PCDHA13: variants seen among roughly 807,000 people sequenced by gnomAD.
PCDHA13 encodes the protein protocadherin alpha 13.
In PCDHA13, 54 loss-of-function variants were observed where a neutral mutation model predicts 64.8. That is an observed-to-expected ratio of 0.83 (90% CI 0.67 to 1.04). The LOEUF (loss-of-function observed/expected upper bound fraction) is 1.04. Ranked by LOEUF, PCDHA13 falls within the 50% of genes least tolerant of loss-of-function variation. The pLI is 0.00. For missense variants in PCDHA13, 1,248 were observed against 1,254.3 expected (o/e 0.99, Z 0.08); for synonymous variants, 587 against 564.4 (o/e 1.04, Z -0.57).
intron 1 of PCDHA13, chr5:140,928,625 A>T: frequency 6.2e-7 from 1 of 1,614,224 alleles, no homozygotes; most frequent in African/African-American, 1.3e-5. Flanking sequence ...AGGACTGGAC[A>T]CTTGGTCACA....
At chr5:141,006,108 T>C (rs1268824828) in intron 3 of PCDHA13, among the ~76,000 whole-genome samples, 5 of 151,864 alleles carry the variant, frequency 3.3e-5, no homozygotes. Context: ...GTAAGGAGTT[T>C]TTTTTTTTTT....
intron 1 of PCDHA13, among the ~76,000 whole-genome samples, chr5:140,913,854 A>G: frequency 6.6e-6 from 1 of 152,128 alleles, no homozygotes; most frequent in Middle Eastern, 3.2e-3. Context: ...ATTCAGGAGC[A>G]TATTGTTTAA....
intron 3 of PCDHA13, among the ~76,000 whole-genome samples, chr5:140,989,753 A>G (rs1349273749): frequency 6.6e-6 from 1 of 152,224 alleles, no homozygotes; most frequent in Admixed American, 6.5e-5. Context: ...ATCTGGAGAA[A>G]CATATTCAGT....
At chr5:141,000,376 T>C (rs2097906883) in intron 3 of PCDHA13, among the ~76,000 whole-genome samples, 1 of 58,410 alleles carries the variant, frequency 1.7e-5, no homozygotes, top group Non-Finnish European at 3.2e-5. Flanking sequence ...TCTCTCTCTC[T>C]CTCTCTCTCT....
At chr5:140,933,630 C>T (rs2089281438) in intron 1 of PCDHA13, among the ~76,000 whole-genome samples, 1 of 151,952 alleles carries the variant, frequency 6.6e-6, no homozygotes, top group Admixed American at 6.6e-5. Flanking sequence ...TAGGCTGGCC[C>T]TGTTAAACAA....
intron 1 of PCDHA13, among the ~76,000 whole-genome samples, chr5:140,963,229 G>A (rs1211084766): frequency 2.6e-5 from 4 of 152,134 alleles, no homozygotes; most frequent in African/African-American, 7.2e-5. Context: ...AGTAGACACT[G>A]TTTGATGGAT....
intron 1 of PCDHA13, among the ~76,000 whole-genome samples, chr5:140,934,650 T>C (rs2089969846): frequency 6.6e-6 from 1 of 152,134 alleles, no homozygotes; most frequent in East Asian, 1.9e-4. Flanking sequence ...GATAAATGTT[T>C]GATTCTTCCC....
At chr5:140,907,773 G>C (rs2073598085) in intron 1 of PCDHA13, among the ~76,000 whole-genome samples, 1 of 152,200 alleles carries the variant, frequency 6.6e-6, no homozygotes, top group Admixed American at 6.5e-5. Flanking sequence ...GGTGATGACA[G>C]GGGTGGCTGG....
chr5:140,984,271 A>G (rs1403531837), intron 3 of PCDHA13, among the ~76,000 whole-genome samples: 1 of 152,196 alleles, frequency 6.6e-6, no homozygotes, highest in African/African-American at 2.4e-5. Context: ...ACTAACTTTG[A>G]ATACATTCTC....
At chr5:140,991,205 A>C (rs1403144779) in intron 3 of PCDHA13, among the ~76,000 whole-genome samples, 3 of 152,226 alleles carry the variant, frequency 2.0e-5, no homozygotes, top group Admixed American at 2.0e-4. Context: ...TGCTCAATAA[A>C]TTTTGTTAAA....
intron 2 of PCDHA13, chr5:140,982,212 C>A: frequency 2.1e-6 from 1 of 479,448 alleles, no homozygotes; most frequent in Non-Finnish European, 3.3e-6. Flanking sequence ...GTGAGCGCCA[C>A]ATGGCGTTAA....
At chr5:140,966,692 G>A in intron 1 of PCDHA13, 2 of 1,352,080 alleles carry the variant, frequency 1.5e-6, no homozygotes, top group East Asian at 2.9e-5. Context: ...CGGAGGCGGG[G>A]CCCGGGCGTG....
chr5:140,923,033 A>T (rs6895136), intron 1 of PCDHA13, among the ~76,000 whole-genome samples: 8,640 of 152,308 alleles, frequency 0.057, 727 homozygotes, highest in African/African-American at 0.19. Flanking sequence ...CTCTATTACT[A>T]CATGTATAGT....
intron 1 of PCDHA13, among the ~76,000 whole-genome samples, chr5:140,948,785 G>T (rs2094304738): frequency 6.6e-6 from 1 of 151,242 alleles, no homozygotes; most frequent in South Asian, 2.1e-4. Flanking sequence ...TTTTGGCTTT[G>T]TTGATATATT....
intron 1 of PCDHA13, among the ~76,000 whole-genome samples, chr5:140,955,338 C>T (rs1232401709): frequency 6.6e-6 from 1 of 152,062 alleles, no homozygotes; most frequent in African/African-American, 2.4e-5. Flanking sequence ...TCCCATAATC[C>T]CCACATGTTG....
chr5:140,939,240 AGGT>A (rs1314261929), intron 1 of PCDHA13, among the ~76,000 whole-genome samples: 2 of 152,170 alleles, frequency 1.3e-5, no homozygotes, highest in African/African-American at 4.8e-5. Context: ...GGAAGGAGCA[AGGT>A]AGCTCTCTGG....
At chr5:140,901,643 G>A (rs1011127972) in intron 1 of PCDHA13, among the ~76,000 whole-genome samples, 7 of 151,908 alleles carry the variant, frequency 4.6e-5, no homozygotes, top group Non-Finnish European at 8.8e-5. Context: ...TGATTCTTCC[G>A]GTTTTGTTCT....
Position 140,883,924 on chromosome 5 carries a change from G to T in PCDHA13, c.1656G>T (p.Gln552His), listed in dbSNP as rs1554180605. The change falls in exon 1 of 4, where the codon CAG becomes CAT. Residue 552 changes from glutamine to histidine, a missense_variant. Physicochemically the swap from Gln to His is conservative, Grantham distance 24 (BLOSUM62 0). Transcript: ENST00000289272. ...CTCTGGGCAGCAACGTGACGCTGCA[G>T]GTGTTCGTGCTGGACGAGAACGACA... The part of the protein sequence containing the change: ...VPPLGSNVTL[Q>H]VFVLDENDNA... 8.7e-6 allele frequency: 14 copies of T among 1,613,506 alleles called. No individual in the cohort carries two copies. Among genetic ancestry groups the T allele is most frequent in the Non-Finnish European group, 1.1e-5 (13 of 1,179,860 alleles).
At chr5:140,984,751 T>A (rs2097118127) in intron 3 of PCDHA13, among the ~76,000 whole-genome samples, 1 of 152,158 alleles carries the variant, frequency 6.6e-6, no homozygotes. Context: ...CAGATTTGAG[T>A]TGAATTCTAA....
Sources: gnomAD v4.1 joint callset for allele counts (sites outside exome capture counted in the v4.1 genomes callset) on GRCh38, gnomAD v4.1.1 for gene constraint, MANE v1.5 for transcripts, NCBI Gene and HGNC (gene_info 2026-07-23, HGNC 2026-07-21) for gene names.